RELN: variants seen among roughly 807,000 people sequenced by gnomAD.
RELN encodes reelin.
RELN carries 108 observed loss-of-function variants against 427.6 expected under a neutral mutation model. The ratio of observed to expected loss-of-function variants is 0.25; its 90% CI spans 0.22 to 0.30. The LOEUF is 0.30. Ranked by LOEUF, RELN falls within the 10% of genes least tolerant of loss-of-function variation. RELN has a pLI of 1.00. For missense variants in RELN, 3,715 were observed against 4,302.8 expected (o/e 0.86, Z 3.82); for synonymous variants, 1,524 against 1,513.4 (o/e 1.01, Z -0.16).
rs770342200 is a variant in RELN, at chr7:103,500,739, C to T, written c.8667+6G>A. On this transcript the variant is annotated splice_donor_region_variant and intron_variant, in intron 53 of 64. Coordinates refer to ENST00000428762, the MANE Select transcript of RELN (RefSeq NM_005045.4). ...TAATGCGTCTTGTCCAGGGCTTTAC[C>T]CTTACCTTCAGAGTGTGGGTCAAGT... is the stretch of plus-strand genomic sequence containing the variant. 1.2e-6 allele frequency: 2 copies of T among 1,613,724 alleles called. No individual in the cohort carries two copies. The highest frequency in any genetic ancestry group is 2.7e-5 in the African/African-American group (2 of 74,894).
Position 103,824,311 on chromosome 7 carries a change from G to A in RELN, c.473+9226C>T, listed in dbSNP as rs1221731150. On this transcript the variant is annotated intron_variant, in intron 3 of 64. Transcript: ENST00000428762. The surrounding 1 kb of genome is among the most constrained non-coding windows in gnomAD (Gnocchi z 4.4). ...TGTAAAGCTAGACTCCATATACTGA[G>A]GGTTTTATCTTCTTACAAGTAACTT... Among the ~76,000 whole-genome samples the A allele has an allele frequency of 6.6e-6, 1 of 151,982 alleles. No homozygotes were observed. Among genetic ancestry groups the A allele is most frequent in the South Asian group, 2.1e-4 (1 of 4,822 alleles).
intron 3 of RELN, among the ~76,000 whole-genome samples, chr7:103,823,227 T>G (rs573720727): frequency 1.5e-4 from 19 of 123,636 alleles, no homozygotes; most frequent in African/African-American, 5.0e-4. Flanking sequence ...TGTGCCATTA[T>G]GTTTAGTTTT....
chr7:103,673,860 C>T (rs560108734), intron 11 of RELN, among the ~76,000 whole-genome samples: 9 of 152,084 alleles, frequency 5.9e-5, no homozygotes, highest in Non-Finnish European at 1.3e-4. Flanking sequence ...CTAGGACTGG[C>T]TACTTTTCCA....
At chr7:103,872,030 A>ATATTTTTTTTTTTTT (rs773045936) in intron 2 of RELN, among the ~76,000 whole-genome samples, 1 of 138,442 alleles carries the variant, frequency 7.2e-6, no homozygotes, top group Non-Finnish European at 1.6e-5. Flanking sequence ...ATATATATAT[A>ATATTTTTTTTTTTTT]TTTTTCTTTT....
chr7:103,962,772 A>G (rs1317813744), intron 1 of RELN, among the ~76,000 whole-genome samples: 1 of 152,198 alleles, frequency 6.6e-6, no homozygotes, highest in Non-Finnish European at 1.5e-5. Flanking sequence ...GTCATAGAAC[A>G]CATTTTGAAC....
intron 28 of RELN, among the ~76,000 whole-genome samples, chr7:103,583,439 T>C (rs1032726388): frequency 7.2e-5 from 11 of 152,364 alleles, no homozygotes; most frequent in Admixed American, 2.6e-4. Context: ...TCACTCCTTC[T>C]TACTGTATTC....
At chr7:103,734,363 G>A (rs1013534320) in intron 6 of RELN, among the ~76,000 whole-genome samples, 1 of 152,102 alleles carries the variant, frequency 6.6e-6, no homozygotes, top group Non-Finnish European at 1.5e-5. Context: ...AAATGTTTCT[G>A]TAATCTAAGA....
intron 20 of RELN, among the ~76,000 whole-genome samples, chr7:103,627,364 T>C (rs1832351549): frequency 6.6e-6 from 1 of 152,128 alleles, no homozygotes; most frequent in Non-Finnish European, 1.5e-5. Context: ...AATTTTAATA[T>C]TGTAACAAGT....
chr7:103,973,508 C>T (rs1238166201), intron 1 of RELN, among the ~76,000 whole-genome samples: 2 of 151,300 alleles, frequency 1.3e-5, no homozygotes, highest in Admixed American at 1.3e-4. Flanking sequence ...ACACAATGGG[C>T]ATATAAAAAT....
chr7:103,919,577 C>T (rs904222494), intron 1 of RELN, among the ~76,000 whole-genome samples: 1 of 152,138 alleles, frequency 6.6e-6, no homozygotes, highest in Non-Finnish European at 1.5e-5. Flanking sequence ...CCCTCTCCCC[C>T]AACCTAAAAG....
At chr7:103,822,196 T>A (rs144115901) in intron 3 of RELN, among the ~76,000 whole-genome samples, 2 of 152,068 alleles carry the variant, frequency 1.3e-5, no homozygotes, top group Non-Finnish European at 2.9e-5. Flanking sequence ...AAGTTTTACA[T>A]GAATTCAGGC....
intron 51 of RELN, among the ~76,000 whole-genome samples, chr7:103,506,545 G>A (rs963714077): frequency 6.6e-6 from 1 of 152,118 alleles, no homozygotes; most frequent in African/African-American, 2.4e-5. Flanking sequence ...CTGCCTTACA[G>A]GAGCTCCTGA....
At chr7:103,911,951 A>T (rs1041053668) in intron 2 of RELN, among the ~76,000 whole-genome samples, 3 of 151,136 alleles carry the variant, frequency 2.0e-5, no homozygotes, top group Non-Finnish European at 4.4e-5. Flanking sequence ...ACATGTATAC[A>T]TATGTAACTA....
At chr7:103,738,417 T>C (rs1326494297) in intron 6 of RELN, among the ~76,000 whole-genome samples, 1 of 151,962 alleles carries the variant, frequency 6.6e-6, no homozygotes, top group African/African-American at 2.4e-5. Flanking sequence ...ATTGAAATTT[T>C]TACTGAGGGA....
At chr7:103,896,069 A>G (rs912218147) in intron 2 of RELN, among the ~76,000 whole-genome samples, 3 of 152,126 alleles carry the variant, frequency 2.0e-5, no homozygotes, top group Non-Finnish European at 4.4e-5. Context: ...CATTAAGCAC[A>G]GGAAAAAGTG....
intron 1 of RELN, among the ~76,000 whole-genome samples, chr7:103,986,928 A>C (rs1797110448): frequency 9.5e-6 from 1 of 105,752 alleles, no homozygotes; most frequent in African/African-American, 3.8e-5. Flanking sequence ...TTCTAACAGA[A>C]GCTGTGTGTG....
intron 4 of RELN, among the ~76,000 whole-genome samples, chr7:103,757,129 C>T (rs1791179592): frequency 6.6e-6 from 1 of 152,182 alleles, no homozygotes; most frequent in Non-Finnish European, 1.5e-5. Flanking sequence ...CATTTGGATA[C>T]TACCTGCCTT....
rs540918644 is a variant in RELN, at chr7:103,491,503, T to C, written c.9443+450A>G. Among the ~76,000 whole-genome samples, 8 of 152,226 alleles carry C rather than the reference T, an allele frequency of 5.3e-5. No individual in the cohort carries two copies. In the South Asian group the frequency reaches 1.5e-3, roughly 28 times the overall value. ...ACATTTTGTACAAGTGAAATTTATA[T>C]AAAAATATGCACGAACTACCACTTT... On this transcript the variant is annotated intron_variant, in intron 58 of 64. Transcript: ENST00000428762.
chr7:103,498,213 G>A lies in RELN; in HGVS notation c.8707C>T (p.Pro2903Ser), dbSNP rs769352782. The A allele has an allele frequency of 1.2e-6, 2 of 1,613,960 alleles. No individual in the cohort carries two copies. Among genetic ancestry groups the A allele is most frequent in the Non-Finnish European group, 1.7e-6 (2 of 1,179,946 alleles). Residue 2903 changes from proline (P) to serine (S), a missense_variant, in exon 54 of 65, where the codon CCT (proline) becomes TCT (serine). Physicochemically the swap from Pro to Ser is moderately conservative, Grantham distance 74 (BLOSUM62 -1). Around this residue, in one of 4 missense-constraint regions of RELN, gnomAD observed 1,310 missense variants for 1,643.0 expected, o/e 0.80. Coordinates refer to ENST00000428762, the MANE Select transcript of RELN (RefSeq NM_005045.4). Reference protein sequence around the residue: ...KERFDSEEIKPDLWMSLEGGS... With the variant: ...KERFDSEEIKSDLWMSLEGGS... ...CCTTCTAAGGACATCCATAAGTCAG[G>A]TTTGATTTCTTCACTGTCAAAGCGT...
Sources: gnomAD v4.1 joint callset for allele counts (sites outside exome capture counted in the v4.1 genomes callset) on GRCh38, gnomAD v4.1.1 for gene constraint, gnomAD v4.1.1 regional missense constraint, Gnocchi (gnomAD v3.1) non-coding constraint, MANE v1.5 for transcripts, NCBI Gene and HGNC (gene_info 2026-07-23, HGNC 2026-07-21) for gene names.